Variants in CENPW observed in about 807,000 individuals in gnomAD.
The protein encoded by CENPW is cancer-up-regulated gene 2 protein.
In CENPW, 3 loss-of-function variants were observed where a neutral mutation model predicts 11.1. That is an observed-to-expected ratio of 0.27 (90% CI 0.12 to 0.70). The LOEUF (loss-of-function observed/expected upper bound fraction) is 0.70. Ranked by LOEUF, CENPW falls within the 30% of genes least tolerant of loss-of-function variation. CENPW has a pLI of 0.77. For missense variants in CENPW, 100 were observed against 105.6 expected (o/e 0.95, Z 0.23); for synonymous variants, 38 against 42.0 (o/e 0.91, Z 0.37).
the CENPW span, among the ~76,000 whole-genome samples, chr6:126,354,871 T>C: frequency 6.6e-6 from 1 of 152,120 alleles, no homozygotes; most frequent in Non-Finnish European, 1.5e-5. Flanking sequence ...ACTGTCCTGG[T>C]TTGCTCAACT....
At chr6:126,403,667 A>G in the CENPW span, among the ~76,000 whole-genome samples, 3 of 152,072 alleles carry the variant, frequency 2.0e-5, no homozygotes, top group Non-Finnish European at 4.4e-5. Flanking sequence ...AAGATGAAAC[A>G]GTAAGTGCTG....
the CENPW span, among the ~76,000 whole-genome samples, chr6:126,387,826 A>G: frequency 1.5e-3 from 229 of 152,074 alleles, no homozygotes; most frequent in African/African-American, 5.2e-3. Flanking sequence ...AAAACTGCCC[A>G]TGTCCACTTT....
At chr6:126,435,745 TAGATAGAGGCATCTGAA>T in the CENPW span, among the ~76,000 whole-genome samples, 3 of 151,904 alleles carry the variant, frequency 2.0e-5, no homozygotes, top group African/African-American at 7.2e-5. Context: ...AATGTCTTAT[TAGATAGAGGCATCTGAA>T]AACCTTTGGA....
At chr6:126,347,693 T>C (rs1383409370) in intron 2 of CENPW, among the ~76,000 whole-genome samples, 1 of 152,062 alleles carries the variant, frequency 6.6e-6, no homozygotes, top group South Asian at 2.1e-4. Flanking sequence ...TTAAAGTCAA[T>C]GTAAATATTT....
chr6:126,399,171 C>A, the CENPW span, among the ~76,000 whole-genome samples: 1 of 151,970 alleles, frequency 6.6e-6, no homozygotes, highest in African/African-American at 2.4e-5. Flanking sequence ...TGGTTATATA[C>A]CTAGTAATGG....
At chr6:126,407,987 C>T in the CENPW span, among the ~76,000 whole-genome samples, 13 of 151,868 alleles carry the variant, frequency 8.6e-5, no homozygotes, top group Non-Finnish European at 1.6e-4. Context: ...TTGGTGTTTT[C>T]GTCATGAAAT....
At chr6:126,434,569 A>G in the CENPW span, among the ~76,000 whole-genome samples, 41 of 152,164 alleles carry the variant, frequency 2.7e-4, no homozygotes, top group African/African-American at 9.4e-4. Flanking sequence ...ATGAAAACAC[A>G]GTAGTATTCA....
downstream of CENPW, among the ~76,000 whole-genome samples, chr6:126,352,048 T>G (rs183467943): frequency 6.6e-6 from 1 of 152,240 alleles, no homozygotes; most frequent in African/African-American, 2.4e-5. Context: ...GAATCTGTAT[T>G]TCTAGCAGGT....
chr6:126,426,534 T>C, the CENPW span, among the ~76,000 whole-genome samples: 1 of 152,272 alleles, frequency 6.6e-6, no homozygotes, highest in South Asian at 2.1e-4. Flanking sequence ...TGACATATGA[T>C]AGATATTTAG....
chr6:126,369,019 T>C, the CENPW span, among the ~76,000 whole-genome samples: 2 of 152,156 alleles, frequency 1.3e-5, no homozygotes, highest in African/African-American at 2.4e-5. Context: ...CTCCCACTTA[T>C]GAGTGAGAAC....
the CENPW span, among the ~76,000 whole-genome samples, chr6:126,356,635 G>T: frequency 3.3e-5 from 5 of 152,010 alleles, no homozygotes; most frequent in Non-Finnish European, 7.4e-5. Context: ...TATTCTGATT[G>T]GTATGAGATA....
At chr6:126,476,426 T>C in the CENPW span, among the ~76,000 whole-genome samples, 1 of 152,016 alleles carries the variant, frequency 6.6e-6, no homozygotes, top group Non-Finnish European at 1.5e-5. Context: ...GAGAAAATCA[T>C]GTTGAAAATC....
the CENPW span, among the ~76,000 whole-genome samples, chr6:126,363,752 A>C: frequency 6.6e-6 from 1 of 152,158 alleles, no homozygotes; most frequent in African/African-American, 2.4e-5. Flanking sequence ...ATCTAAGAAA[A>C]TCTCCTATCA....
At chr6:126,459,999 A>T in the CENPW span, among the ~76,000 whole-genome samples, 10 of 150,754 alleles carry the variant, frequency 6.6e-5, no homozygotes, top group African/African-American at 2.4e-4. Context: ...TTCTATTCTT[A>T]TGGGTAATTT....
At chr6:126,437,432 T>G in the CENPW span, among the ~76,000 whole-genome samples, 1 of 152,036 alleles carries the variant, frequency 6.6e-6, no homozygotes, top group East Asian at 1.9e-4. Flanking sequence ...CCCTTATAAC[T>G]TAAGCCAAAT....
the CENPW span, among the ~76,000 whole-genome samples, chr6:126,454,433 A>G: frequency 4.0e-5 from 6 of 151,386 alleles, no homozygotes; most frequent in Non-Finnish European, 3.0e-5. Context: ...AAAATCCTAG[A>G]ATTACATGTA....
the CENPW span, among the ~76,000 whole-genome samples, chr6:126,467,216 G>T: frequency 1.4e-4 from 22 of 152,092 alleles, no homozygotes; most frequent in Non-Finnish European, 5.9e-5. Context: ...CAAAGCTGAA[G>T]GCATCAAGTT....
At chr6:126,349,662 T>G (rs1051808203), downstream of CENPW, among the ~76,000 whole-genome samples, 1 of 152,156 alleles carries the variant, frequency 6.6e-6, no homozygotes, top group African/African-American at 2.4e-5. Flanking sequence ...CTGAGTAGTA[T>G]TCTGTAGTAT....
chr6:126,424,529 C>A, the CENPW span, among the ~76,000 whole-genome samples: 1 of 152,114 alleles, frequency 6.6e-6, no homozygotes, highest in Non-Finnish European at 1.5e-5. Flanking sequence ...GGATTTAAGA[C>A]CACACAGTTA....
Sources: allele counts gnomAD v4.1 joint callset (sites outside exome capture counted in the v4.1 genomes callset), GRCh38; gene constraint gnomAD v4.1.1; transcripts MANE v1.5; gene names NCBI Gene and HGNC (gene_info 2026-07-23, HGNC 2026-07-21).